Variants in CACNA2D3 observed in about 807,000 individuals in gnomAD.
CACNA2D3 encodes voltage-dependent calcium channel subunit alpha-2/delta-3.
Under a neutral mutation model 160.6 loss-of-function variants are expected in CACNA2D3, and 60 were observed. That is an observed-to-expected ratio of 0.37 (90% confidence interval 0.30 to 0.46). The LOEUF is 0.46. Among genes scored for constraint, CACNA2D3 ranks in the 20% least tolerant of loss-of-function variants. The pLI, the probability that CACNA2D3 is intolerant of heterozygous loss-of-function variation, is 1.00. For synonymous variants in CACNA2D3, 558 were observed against 492.9 expected, an observed-to-expected ratio of 1.13 and a Z score of -1.75; for missense variants, 1,205 against 1,365.0, an observed-to-expected ratio of 0.88 and a Z score of 1.85.
At chr3:54,171,008 G>A (rs552699613) in intron 2 of CACNA2D3, among the ~76,000 whole-genome samples, 1 of 152,160 alleles carries the variant, frequency 6.6e-6, no homozygotes, top group East Asian at 1.9e-4. Flanking sequence ...GTCCGACTCA[G>A]GGAGGAGAAA....
chr3:54,974,516 G>A (rs1249837051), intron 29 of CACNA2D3, among the ~76,000 whole-genome samples: 1 of 152,138 alleles, frequency 6.6e-6, no homozygotes, highest in Non-Finnish European at 1.5e-5. Flanking sequence ...TCACTCCCAG[G>A]CACCCTGCCC....
At position 54,123,604 on chromosome 3, in the gene CACNA2D3, C is replaced by T. The variant is rs570198840; in HGVS notation, c.204+10C>T. The T allele has an allele frequency of 1.9e-6, 3 of 1,609,844 alleles. No homozygotes were observed. The highest frequency in any genetic ancestry group is 2.2e-5 in the South Asian group (2 of 91,000). On this transcript the variant is annotated intron_variant, in intron 2 of 37. Transcript: ENST00000474759. ...CCAGCTTCTGCAAAAGGTAAGGTTT[C>T]TGTGGTGGCAGGAAGCGATGATTTT...
At chr3:54,481,996 A>G (rs1700940655) in intron 4 of CACNA2D3, among the ~76,000 whole-genome samples, 1 of 152,222 alleles carries the variant, frequency 6.6e-6, no homozygotes, top group Non-Finnish European at 1.5e-5. Context: ...TGGCACACAA[A>G]TGTATTTTCC....
At chr3:54,543,555 G>T (rs1284658574) in intron 5 of CACNA2D3, among the ~76,000 whole-genome samples, 1 of 152,100 alleles carries the variant, frequency 6.6e-6, no homozygotes, top group African/African-American at 2.4e-5. Context: ...AAGACTTACT[G>T]CAGAATTCAT....
chr3:54,682,904 C>T (rs564489042), intron 11 of CACNA2D3, among the ~76,000 whole-genome samples: 135 of 152,218 alleles, frequency 8.9e-4, no homozygotes, highest in Non-Finnish European at 1.8e-3. Flanking sequence ...GTCTTGATGA[C>T]GTCTCTGAAG....
In CACNA2D3 at chr3:54,227,223, T is replaced by G. The variant is rs79616496; in HGVS notation, c.205-93219T>G. 2.4e-3 allele frequency among the ~76,000 whole-genome samples: 362 copies of G among 152,276 alleles called. 2 individuals are homozygous for G. The highest frequency in any genetic ancestry group is 7.7e-3 in the African/African-American group (322 of 41,564). On this transcript the variant is annotated intron_variant, in intron 2 of 37. Transcript: ENST00000474759. ...ACAATATGTTACTGTGTAGGGGCTA[T>G]GTTTTCACGTTCAGGATCTGGGTGT...
chr3:54,290,226 G>A (rs562836804), intron 2 of CACNA2D3, among the ~76,000 whole-genome samples: 7 of 152,106 alleles, frequency 4.6e-5, no homozygotes, highest in East Asian at 1.9e-4. Context: ...AAAACAAACA[G>A]CCCCATCAGA....
At chr3:54,305,464 T>C (rs1703576518) in intron 2 of CACNA2D3, among the ~76,000 whole-genome samples, 1 of 152,234 alleles carries the variant, frequency 6.6e-6, no homozygotes, top group Non-Finnish European at 1.5e-5. Context: ...AGAACAGAAC[T>C]GTCTAGTGGC....
At chr3:54,351,401 A>G (rs1380757147) in intron 3 of CACNA2D3, among the ~76,000 whole-genome samples, 1 of 151,960 alleles carries the variant, frequency 6.6e-6, no homozygotes, top group Non-Finnish European at 1.5e-5. Flanking sequence ...GTGACTTGGG[A>G]AGTCATATAA....
intron 12 of CACNA2D3, among the ~76,000 whole-genome samples, chr3:54,762,688 C>A (rs1482557264): frequency 6.6e-6 from 1 of 152,198 alleles, no homozygotes; most frequent in Non-Finnish European, 1.5e-5. Context: ...GATGTGACCC[C>A]AAGCTCTACA....
intron 14 of CACNA2D3, among the ~76,000 whole-genome samples, chr3:54,836,711 A>G (rs1698698774): frequency 6.6e-6 from 1 of 152,192 alleles, no homozygotes; most frequent in African/African-American, 2.4e-5. Context: ...AAATAAGTGC[A>G]TCCAGATTCT....
intron 2 of CACNA2D3, among the ~76,000 whole-genome samples, chr3:54,127,751 G>A (rs1451952574): frequency 6.6e-6 from 1 of 152,082 alleles, no homozygotes; most frequent in Non-Finnish European, 1.5e-5. Context: ...AATCATTCAG[G>A]GCAGTTTATT....
chr3:54,682,609 T>G (rs1700374641), intron 11 of CACNA2D3, among the ~76,000 whole-genome samples: 1 of 151,882 alleles, frequency 6.6e-6, no homozygotes, highest in Admixed American at 6.6e-5. Flanking sequence ...AAACTCTGAC[T>G]CAAAAAAGAA....
chr3:54,533,011 A>T (rs1439718939), intron 5 of CACNA2D3, among the ~76,000 whole-genome samples: 2 of 152,156 alleles, frequency 1.3e-5, no homozygotes, highest in South Asian at 4.1e-4. Context: ...GTAAGACGGT[A>T]TCACATTGTG....
chr3:54,783,511 C>T (rs1702572994), intron 13 of CACNA2D3, among the ~76,000 whole-genome samples: 1 of 152,080 alleles, frequency 6.6e-6, no homozygotes, highest in Admixed American at 6.6e-5. Flanking sequence ...GAGACTGAGG[C>T]AGGAGAATCA....
intron 3 of CACNA2D3, among the ~76,000 whole-genome samples, chr3:54,339,212 C>G (rs1704461816): frequency 6.6e-6 from 1 of 152,190 alleles, no homozygotes; most frequent in South Asian, 2.1e-4. Flanking sequence ...ATGTGCCAAC[C>G]TCTTCTCTCT....
intron 15 of CACNA2D3, among the ~76,000 whole-genome samples, chr3:54,838,094 G>T (rs1044581884): frequency 5.3e-5 from 8 of 152,130 alleles, no homozygotes; most frequent in African/African-American, 1.7e-4. Flanking sequence ...TCCTCAGTTG[G>T]TAAAAGTGTT....
At position 54,820,408 on chromosome 3, in the gene CACNA2D3, A is replaced by G. The variant is rs577631977; in HGVS notation, c.1398+3538A>G. Among the ~76,000 whole-genome samples, 7 of 152,274 alleles carry G rather than the reference A, an allele frequency of 4.6e-5. No homozygotes were observed. The East Asian group carries it at 1.4e-3, about 29-fold the overall frequency. On this transcript the variant is annotated intron_variant, in intron 14 of 37. Transcript: ENST00000474759. ...GGTCTTCCAAAACTTCTAGTCCTTTATGACAATGTTTTAGAACAACAGTTT... is the reference window on the plus strand; with the variant it reads ...GGTCTTCCAAAACTTCTAGTCCTTTGTGACAATGTTTTAGAACAACAGTTT...
At chr3:54,924,817 G>A (rs1700963443) in intron 27 of CACNA2D3, 2 of 1,613,914 alleles carry the variant, frequency 1.2e-6, no homozygotes, top group Non-Finnish European at 1.7e-6. Context: ...GTGGGAAGGT[G>A]GCTTATGTTG....
Sources: gnomAD v4.1 joint callset for allele counts (sites outside exome capture counted in the v4.1 genomes callset) on GRCh38, gnomAD v4.1.1 for gene constraint, MANE v1.5 for transcripts, NCBI Gene and HGNC (gene_info 2026-07-23, HGNC 2026-07-21) for gene names.